Variants in ZDHHC14 observed in about 807,000 individuals in gnomAD.
ZDHHC14 encodes the protein palmitoyltransferase ZDHHC14.
ZDHHC14 carries 16 observed loss-of-function variants against 47.7 expected under a neutral mutation model. The observed-to-expected ratio is 0.34, with a 90% CI of 0.23 to 0.51. The LOEUF is 0.51. Among genes scored for constraint, ZDHHC14 ranks in the 20% least tolerant of loss-of-function variants. ZDHHC14 has a pLI of 0.97. For synonymous variants in ZDHHC14, 293 were observed against 278.9 expected (o/e 1.05, Z -0.50); for missense variants, 515 against 662.5 (o/e 0.78, Z 2.44).
intron 3 of ZDHHC14, among the ~76,000 whole-genome samples, chr6:157,623,315 A>G (rs1160351198): frequency 6.6e-6 from 1 of 151,832 alleles, no homozygotes; most frequent in African/African-American, 2.4e-5. Flanking sequence ...TTCTCATGAG[A>G]CCTGATGGTT....
chr6:157,595,757 C>G (rs759935759), intron 3 of ZDHHC14, among the ~76,000 whole-genome samples: 1 of 152,180 alleles, frequency 6.6e-6, no homozygotes, highest in Non-Finnish European at 1.5e-5. Context: ...CTCCTGTGCA[C>G]TCTACCAGCC....
chr6:157,654,129 C>T (rs1265646723), intron 8 of ZDHHC14, among the ~76,000 whole-genome samples: 1 of 152,320 alleles, frequency 6.6e-6, no homozygotes, highest in East Asian at 1.9e-4. Flanking sequence ...GGTGTACGTT[C>T]ACTTGCCACA....
intron 3 of ZDHHC14, among the ~76,000 whole-genome samples, chr6:157,599,258 A>G (rs1784248662): frequency 6.6e-6 from 1 of 152,240 alleles, no homozygotes; most frequent in Non-Finnish European, 1.5e-5. Context: ...GAAACCAGGA[A>G]CAGTGGAGGA....
rs181818030 is a variant in ZDHHC14 at position 157,628,500 on chromosome 6, C to G, written c.703+14C>G. 28 of 1,607,444 alleles carry G rather than the reference C, an allele frequency of 1.7e-5. No individual in the cohort carries two copies. The South Asian group carries it at 3.1e-4, about 18-fold the overall frequency. On this transcript the variant is annotated intron_variant, in intron 4 of 8. Coordinates refer to ENST00000359775, the MANE Select transcript of ZDHHC14 (RefSeq NM_024630.3). ...ACGTCATTCTTCGTAAGTATGCTGG[C>G]GAAATCAGATTACGTATGTAACCAT...
rs566753685 is a variant in ZDHHC14, at chr6:157,658,258, G to A, written c.1068+4631G>A. ...CCAGTTAGTTCCCTGATGATTGGCA[G>A]GTCACTCTTGCCTCACTGGTCCTCA... On this transcript the variant is annotated intron_variant, in intron 8 of 8. Coordinates refer to ENST00000359775, the MANE Select transcript of ZDHHC14 (RefSeq NM_024630.3). Among the ~76,000 whole-genome samples, 13 of 152,226 alleles carry A rather than the reference G, an allele frequency of 8.5e-5. No homozygotes were observed. In the East Asian group the frequency reaches 2.5e-3, roughly 29 times the overall value.
At chr6:157,495,919 G>C (rs1780052600) in intron 1 of ZDHHC14, among the ~76,000 whole-genome samples, 1 of 151,992 alleles carries the variant, frequency 6.6e-6, no homozygotes, top group Admixed American at 6.6e-5. Context: ...TGACCAGGCT[G>C]GTCTTGAACT....
chr6:157,454,029 A>G (rs1411202909), intron 1 of ZDHHC14, among the ~76,000 whole-genome samples: 3 of 152,192 alleles, frequency 2.0e-5, no homozygotes, highest in Admixed American at 6.5e-5. Flanking sequence ...TATTATTTTC[A>G]TAGACAATAT....
chr6:157,659,696 C>T (rs1247961167), intron 8 of ZDHHC14, among the ~76,000 whole-genome samples: 4 of 152,224 alleles, frequency 2.6e-5, no homozygotes, highest in Non-Finnish European at 4.4e-5. Context: ...CCACCCTCTG[C>T]GCCTTGGAAA....
At chr6:157,619,606 G>A (rs904599470) in intron 3 of ZDHHC14, among the ~76,000 whole-genome samples, 5 of 152,172 alleles carry the variant, frequency 3.3e-5, no homozygotes, top group African/African-American at 1.2e-4. Flanking sequence ...ACACCTTAGA[G>A]TCAGCCACAT....
chr6:157,595,312 C>A (rs1474236770), intron 3 of ZDHHC14, among the ~76,000 whole-genome samples: 1 of 151,184 alleles, frequency 6.6e-6, no homozygotes, highest in Admixed American at 6.6e-5. Context: ...CCTGCCCCAG[C>A]CTCCCGAGTA....
At chr6:157,643,486 A>G (rs1309141583) in intron 5 of ZDHHC14, among the ~76,000 whole-genome samples, 3 of 151,424 alleles carry the variant, frequency 2.0e-5, no homozygotes, top group Non-Finnish European at 2.9e-5. Flanking sequence ...CGTCTCTACT[A>G]AAAATACAAA....
At chr6:157,650,061 G>A (rs1224999101) in intron 7 of ZDHHC14, among the ~76,000 whole-genome samples, 3 of 148,986 alleles carry the variant, frequency 2.0e-5, no homozygotes, top group African/African-American at 2.5e-5. Flanking sequence ...CTCTGTGCCA[G>A]GCGCTGTGGG....
chr6:157,543,047 C>T (rs968552875), intron 2 of ZDHHC14, among the ~76,000 whole-genome samples: 1 of 152,208 alleles, frequency 6.6e-6, no homozygotes, highest in African/African-American at 2.4e-5. Flanking sequence ...TACTAAGCAG[C>T]CTCCACCCCG....
At chr6:157,499,094 TC>T (rs1424902889) in intron 1 of ZDHHC14, among the ~76,000 whole-genome samples, 1 of 152,154 alleles carries the variant, frequency 6.6e-6, no homozygotes, top group Non-Finnish European at 1.5e-5. Flanking sequence ...CCAGTTTTAA[TC>T]CCATTTGCCC....
At chr6:157,489,929 T>C (rs1194072133) in intron 1 of ZDHHC14, among the ~76,000 whole-genome samples, 2 of 151,480 alleles carry the variant, frequency 1.3e-5, no homozygotes, top group Non-Finnish European at 2.9e-5. Flanking sequence ...CTGGGAAGAG[T>C]GGCAGAAGGA....
intron 1 of ZDHHC14, among the ~76,000 whole-genome samples, chr6:157,500,908 C>T (rs558646469): frequency 1.3e-5 from 2 of 152,274 alleles, no homozygotes; most frequent in East Asian, 1.9e-4. Flanking sequence ...AAACCACAGC[C>T]GATGTTCCTT....
In ZDHHC14 at chr6:157,450,174, TG is replaced by T. The variant is rs1778770705; in HGVS notation, c.245+67910del. Among the ~76,000 whole-genome samples, 3 of 151,996 alleles carry T rather than the reference TG, an allele frequency of 2.0e-5. No homozygotes were observed. The South Asian group carries it at 6.2e-4, about 32-fold the overall frequency. ...GAGTTGAAGGAAAGGGGCACATTTA[TG>T]GTATTTCTCAAGCCAGACTAGTATG... On this transcript the variant is annotated intron_variant, in intron 1 of 8. Transcript: ENST00000359775.
chr6:157,592,739 T>A (rs1421641320), intron 2 of ZDHHC14: 1 of 1,245,552 alleles, frequency 8.0e-7, no homozygotes, highest in Non-Finnish European at 1.0e-6. Flanking sequence ...CCTGGCTGGG[T>A]GGGGCCATGT....
intron 1 of ZDHHC14, among the ~76,000 whole-genome samples, chr6:157,392,397 T>C (rs1777434510): frequency 6.6e-6 from 1 of 152,216 alleles, no homozygotes; most frequent in African/African-American, 2.4e-5. Flanking sequence ...TAATACTTTG[T>C]GCTTTGAAGC....
Sources: allele counts gnomAD v4.1 joint callset (sites outside exome capture counted in the v4.1 genomes callset), GRCh38; gene constraint gnomAD v4.1.1; transcripts MANE v1.5; gene names NCBI Gene and HGNC (gene_info 2026-07-23, HGNC 2026-07-21).